Variants in ADAMTS20 observed in about 807,000 individuals in gnomAD.
The protein encoded by ADAMTS20 is A disintegrin and metalloproteinase with thrombospondin motifs 20.
In ADAMTS20, 225 loss-of-function variants were observed where a neutral mutation model predicts 260.1. That is an observed-to-expected ratio of 0.87 (90% CI 0.78 to 0.97). ADAMTS20 has a LOEUF of 0.97. Ranked by LOEUF, ADAMTS20 falls within the 50% of genes least tolerant of loss-of-function variation. ADAMTS20 has a pLI of 0.00. For missense variants in ADAMTS20, 2,400 were observed against 2,337.7 expected, an observed-to-expected ratio of 1.03 and a Z score of -0.55; for synonymous variants, 802 against 769.5, an observed-to-expected ratio of 1.04 and a Z score of -0.70.
In ADAMTS20 at chr12:43,532,172, G is replaced by T; in HGVS notation, c.477C>A (p.Asn159Lys). Residue 159 changes from asparagine to lysine, a missense_variant, in exon 3 of 39, where the codon AAC becomes AAA. By Grantham distance (94) the Asn-to-Lys change is moderately conservative. Transcript: ENST00000389420. Reference protein sequence around the residue: ...GGLTGTFKGQNGEYFLEPIMK... With the variant: ...GGLTGTFKGQKGEYFLEPIMK... ...TTATAGGTTCTAAGAAATATTCACC[G>T]TTCTGTCCTTTAAATGTTCCCGTCT... The T allele has an allele frequency of 6.9e-6, 11 of 1,603,706 alleles. No individual in the cohort carries two copies. Among genetic ancestry groups the T allele is most frequent in the Non-Finnish European group, 8.5e-6 (10 of 1,176,320 alleles).
chr12:43,541,718 A>G (rs1265070956), intron 2 of ADAMTS20, among the ~76,000 whole-genome samples: 2 of 152,212 alleles, frequency 1.3e-5, no homozygotes, highest in African/African-American at 4.8e-5. Context: ...AGAAAACACA[A>G]GAATTAACTC....
chr12:43,384,958 T>G (rs566970095), intron 29 of ADAMTS20, among the ~76,000 whole-genome samples: 1 of 152,344 alleles, frequency 6.6e-6, no homozygotes, highest in African/African-American at 2.4e-5. Context: ...TTTATAATCC[T>G]ATGCACATAT....
chr12:43,486,298 G>T (rs1419127218), intron 7 of ADAMTS20, among the ~76,000 whole-genome samples: 4 of 151,950 alleles, frequency 2.6e-5, no homozygotes, highest in Admixed American at 2.0e-4. Flanking sequence ...ACTGATTTTT[G>T]ACAAAGCATA....
intron 28 of ADAMTS20, among the ~76,000 whole-genome samples, chr12:43,418,816 A>C (rs1592058715): frequency 6.6e-6 from 1 of 152,322 alleles, no homozygotes; most frequent in East Asian, 1.9e-4. Context: ...ATAACCTGGA[A>C]AATAGAAATT....
chr12:43,432,711 T>C lies in ADAMTS20; in HGVS notation c.2821A>G (p.Thr941Ala), dbSNP rs753058898. Reference sequence around the variant, plus strand: ...CAGTAGTGGTCATCAACTTGAACAGTCTGTCCTTCATGAATGGAATACTTC... The same window carrying C: ...CAGTAGTGGTCATCAACTTGAACAGCCTGTCCTTCATGAATGGAATACTTC... ...CMKYSIHEGQTVQVDDHYCGD... is the reference protein window; with the variant it reads ...CMKYSIHEGQAVQVDDHYCGD... Residue 941 changes from threonine to alanine, a missense_variant, in exon 20 of 39, where the codon ACT (threonine) becomes GCT (alanine). Coordinates refer to ENST00000389420, the MANE Select transcript of ADAMTS20 (RefSeq NM_025003.5). The C allele has an allele frequency of 9.3e-6, 15 of 1,613,960 alleles. No homozygotes were observed. In the East Asian group the frequency reaches 2.2e-4, roughly 24 times the overall value.
At chr12:43,424,221 G>C (rs1565690971) in intron 28 of ADAMTS20, among the ~76,000 whole-genome samples, 2 of 151,806 alleles carry the variant, frequency 1.3e-5, no homozygotes, top group Non-Finnish European at 2.9e-5. Context: ...CAATGTACTT[G>C]GTCATTCTTG....
intron 3 of ADAMTS20, among the ~76,000 whole-genome samples, chr12:43,505,002 G>T (rs1942821634): frequency 6.6e-6 from 1 of 152,078 alleles, no homozygotes; most frequent in African/African-American, 2.4e-5. Context: ...ACATTCACAA[G>T]AAAACTGGTA....
In ADAMTS20 at chr12:43,432,456, A is replaced by G; in HGVS notation, c.2944T>C (p.Cys982Arg). 6.2e-7 allele frequency: 1 copy of G among 1,609,234 alleles called. No homozygotes were observed. Among genetic ancestry groups the G allele is most frequent in the Non-Finnish European group, 8.5e-7 (1 of 1,178,846 alleles). The stretch of plus-strand genomic sequence containing the variant: ...TCTCGAGACCTTTCCCCTCCTCCAC[A>G]ACTCCTGGAACACTGATTAAAAAAA... The part of the protein sequence containing the change: ...YSEWSQCSRS[C>R]GGGERSRESY... Residue 982 changes from cysteine to arginine, a missense_variant, in exon 21 of 39, where the codon TGT (cysteine) becomes CGT (arginine). Coordinates refer to ENST00000389420, the MANE Select transcript of ADAMTS20 (RefSeq NM_025003.5).
chr12:43,541,593 T>C (rs903432800), intron 2 of ADAMTS20, among the ~76,000 whole-genome samples: 5 of 152,140 alleles, frequency 3.3e-5, no homozygotes, highest in Non-Finnish European at 5.9e-5. Context: ...TAAGTAAAAA[T>C]GTAAAAAGTT....
Position 43,551,028 on chromosome 12 carries a change from G to A in ADAMTS20, c.334C>T (p.Pro112Ser), listed in dbSNP as rs147463273. The A allele has an allele frequency of 1.1e-5, 17 of 1,613,388 alleles. No individual in the cohort carries two copies. The highest frequency in any genetic ancestry group is 1.4e-5 in the Non-Finnish European group (17 of 1,179,632). ...TCGCTCTCCCAGGCCCCGCGCTCCG[G>A]GGTTCCCAAGTGCACCTCGGTGTAG... ...AGYTEVHLGT[P>S]ERGAWESDAG... The change falls in exon 2 of 39, where the codon CCG (proline) becomes TCG (serine). Residue 112 changes from proline to serine, a missense_variant. Coordinates refer to ENST00000389420, the MANE Select transcript of ADAMTS20 (RefSeq NM_025003.5). The surrounding 1 kb of genome is among the most constrained non-coding windows in gnomAD (Gnocchi z 4.6).
intron 36 of ADAMTS20, among the ~76,000 whole-genome samples, chr12:43,373,398 G>A (rs978082973): frequency 1.3e-5 from 2 of 152,158 alleles, no homozygotes; most frequent in Non-Finnish European, 2.9e-5. Context: ...TATAGAGCAT[G>A]TACTCTATCA....
At chr12:43,423,790 C>T (rs1443047418) in intron 28 of ADAMTS20, 2 of 702,820 alleles carry the variant, frequency 2.8e-6, no homozygotes, top group East Asian at 2.7e-5. Flanking sequence ...GATCACAGTG[C>T]CTAGGATATA....
chr12:43,446,743 A>C (rs772139630), intron 14 of ADAMTS20, 31 bp from the exon 15 acceptor site: 99 of 1,532,636 alleles, frequency 6.5e-5, no homozygotes, highest in Non-Finnish European at 8.8e-5. Context: ...CAATATTATA[A>C]GAATGACTAA....
chr12:43,378,164 G>T (rs2137215770), intron 31 of ADAMTS20, among the ~76,000 whole-genome samples: 1 of 152,270 alleles, frequency 6.6e-6, no homozygotes, highest in Admixed American at 6.5e-5. Context: ...TAAAGCAATG[G>T]CTTTTAAGAC....
chr12:43,453,349 C>A (rs994314394), intron 12 of ADAMTS20, among the ~76,000 whole-genome samples: 2 of 151,908 alleles, frequency 1.3e-5, no homozygotes, highest in Non-Finnish European at 2.9e-5. Context: ...ATATATACAA[C>A]AAAAACATTA....
intron 2 of ADAMTS20, among the ~76,000 whole-genome samples, 169 bp from the exon 3 acceptor site, chr12:43,532,364 T>A (rs1231835631): frequency 6.6e-6 from 1 of 152,034 alleles, no homozygotes; most frequent in Non-Finnish European, 1.5e-5. Context: ...CACTTTTCTC[T>A]CTCCACTCCT....
chr12:43,509,857 G>T (rs1017213276), intron 3 of ADAMTS20, among the ~76,000 whole-genome samples: 23 of 152,130 alleles, frequency 1.5e-4, no homozygotes, highest in African/African-American at 5.3e-4. Context: ...CAATATGCTG[G>T]CTCTCATCAC....
chr12:43,428,644 A>G lies in ADAMTS20; in HGVS notation c.3645T>C (p.Asp1215=). Residue 1215 remains aspartate (D), a synonymous_variant, in exon 25 of 39, where the codon GAT becomes GAC. Transcript: ENST00000389420. ...FTPCGEWQAG[D]WSPCSASCGH... ...TCATAAGAATACTTACGGGTGACCAATCCCCTGCTTGCCACTCTCCACAAG... is the reference window on the plus strand; with the variant it reads ...TCATAAGAATACTTACGGGTGACCAGTCCCCTGCTTGCCACTCTCCACAAG... The G allele has an allele frequency of 6.3e-7, 1 of 1,588,132 alleles. No homozygotes were observed. Among genetic ancestry groups the G allele is most frequent in the Non-Finnish European group, 8.6e-7 (1 of 1,166,154 alleles).
intron 2 of ADAMTS20, among the ~76,000 whole-genome samples, chr12:43,537,278 C>T (rs1178435190): frequency 1.3e-5 from 2 of 151,814 alleles, no homozygotes; most frequent in Non-Finnish European, 2.9e-5. Flanking sequence ...TGGTCCCGAA[C>T]TCCTGAGTTC....
Sources: allele counts gnomAD v4.1 joint callset (sites outside exome capture counted in the v4.1 genomes callset), GRCh38; gene constraint gnomAD v4.1.1; non-coding constraint Gnocchi (gnomAD v3.1); transcripts MANE v1.5; gene names NCBI Gene and HGNC (gene_info 2026-07-23, HGNC 2026-07-21).